Variants in ELAPOR1 observed in about 807,000 individuals in gnomAD.
ELAPOR1 encodes endosome-lysosome associated apoptosis and autophagy regulator 1.
ELAPOR1 carries 77 observed loss-of-function variants against 119.7 expected under a neutral mutation model. The observed-to-expected ratio is 0.64, with a 90% CI of 0.54 to 0.78. ELAPOR1 has a LOEUF of 0.78. Ranked by LOEUF, ELAPOR1 falls within the 30% of genes least tolerant of loss-of-function variation. ELAPOR1 has a pLI of 0.00. For synonymous variants in ELAPOR1, 481 were observed against 487.2 expected (o/e 0.99, Z 0.17); for missense variants, 1,115 against 1,270.4 (o/e 0.88, Z 1.86).
intron 9 of ELAPOR1, among the ~76,000 whole-genome samples, chr1:109,188,633 C>G (rs1016007684): frequency 1.3e-5 from 2 of 152,068 alleles, no homozygotes; most frequent in Non-Finnish European, 2.9e-5. Flanking sequence ...AGCAGGGCTT[C>G]CAGCATATGG....
chr1:109,188,132 C>G (rs539126228), intron 8 of ELAPOR1, 45 bp from the exon 9 acceptor site: 4 of 1,559,096 alleles, frequency 2.6e-6, no homozygotes, highest in Non-Finnish European at 3.5e-6. Context: ...CCAAAGATGT[C>G]CTAAATCTCA....
chr1:109,196,885 G>T (rs570663176), intron 15 of ELAPOR1, among the ~76,000 whole-genome samples: 1 of 152,208 alleles, frequency 6.6e-6, no homozygotes, highest in East Asian at 1.9e-4. Context: ...GTTTCACCAC[G>T]TTGGCCAGGA....
At chr1:109,189,311 A>G (rs544290727) in intron 10 of ELAPOR1, 117 bp downstream of exon 10, 3 of 1,307,690 alleles carry the variant, frequency 2.3e-6, no homozygotes, top group East Asian at 5.0e-5. Flanking sequence ...CATGTCATGC[A>G]TTCCCTTGAA....
At chr1:109,158,742 A>G (rs1358632318) in intron 1 of ELAPOR1, among the ~76,000 whole-genome samples, 1 of 152,128 alleles carries the variant, frequency 6.6e-6, no homozygotes, top group Non-Finnish European at 1.5e-5. Context: ...ACTTTATGCA[A>G]ATTATATACT....
At chr1:109,192,954 T>A in intron 14 of ELAPOR1, 80 bp downstream of exon 14, 1 of 1,497,358 alleles carries the variant, frequency 6.7e-7, no homozygotes, top group South Asian at 1.3e-5. Flanking sequence ...TGGGTAGGGT[T>A]CTTGAGAGGC....
intron 1 of ELAPOR1, among the ~76,000 whole-genome samples, chr1:109,152,810 G>A (rs1650613418): frequency 6.6e-6 from 1 of 151,698 alleles, no homozygotes; most frequent in Admixed American, 6.6e-5. Context: ...GCCAGGCATG[G>A]TGGTGCATGC....
chr1:109,186,832 G>A (rs1352935333), intron 8 of ELAPOR1: 9 of 985,434 alleles, frequency 9.1e-6, no homozygotes, highest in South Asian at 9.4e-5. Flanking sequence ...GGTCAGTACC[G>A]TGCTTGCTGC....
At chr1:109,202,700 C>T (rs1274096673) in intron 21 of ELAPOR1, among the ~76,000 whole-genome samples, 1 of 151,956 alleles carries the variant, frequency 6.6e-6, no homozygotes, top group African/African-American at 2.4e-5. Flanking sequence ...CTTGGCCTCC[C>T]AAGTGCTGGG....
At position 109,184,908 on chromosome 1, in the gene ELAPOR1, T is replaced by C. The variant is rs1486945974; in HGVS notation, c.953-137T>C. On this transcript the variant is annotated intron_variant, in intron 7 of 21. Transcript: ENST00000369939. ...CTATTGAGACAAGGGGAAGGGTGAGTGTGCAGGATTTTCTACTTCCGGCAA... is the reference window on the plus strand; with the variant it reads ...CTATTGAGACAAGGGGAAGGGTGAGCGTGCAGGATTTTCTACTTCCGGCAA... 9.9e-6 allele frequency: 7 copies of C among 704,678 alleles called. 1 individual carries two copies. Among genetic ancestry groups the C allele is most frequent in the Admixed American group, 6.1e-5 (3 of 48,934 alleles). 43.7% of individuals were successfully genotyped at this position (704,678 alleles called of 1,614,324 possible).
rs1652565870 is a variant in ELAPOR1, at chr1:109,179,453, G to A, written c.953-5592G>A. Among the ~76,000 whole-genome samples the A allele has an allele frequency of 2.7e-5, 4 of 149,930 alleles. No individual in the cohort carries two copies. The South Asian group carries it at 6.4e-4, about 24-fold the overall frequency. ...AAGAAGTGTGAGCAAAGGCCAGAAA[G>A]CTCAGGAAACTGCAAATAATTCAGC... On this transcript the variant is annotated intron_variant, in intron 7 of 21. Transcript: ENST00000369939.
chr1:109,173,874 A>G, intron 7 of ELAPOR1, 37 bp downstream of exon 7: 1 of 1,607,828 alleles, frequency 6.2e-7, no homozygotes, highest in East Asian at 2.2e-5. Flanking sequence ...TTGGGGATAG[A>G]GAGTACCACC....
intron 15 of ELAPOR1, among the ~76,000 whole-genome samples, chr1:109,195,551 T>C (rs1195556679): frequency 3.3e-5 from 5 of 151,348 alleles, no homozygotes; most frequent in African/African-American, 1.2e-4. Context: ...ACCCCAGAAA[T>C]ATGCAGAAGG....
intron 1 of ELAPOR1, among the ~76,000 whole-genome samples, chr1:109,136,269 G>C (rs1011615047): frequency 1.3e-5 from 2 of 152,138 alleles, no homozygotes; most frequent in African/African-American, 4.8e-5. Flanking sequence ...GTATGACCAG[G>C]GTCCTTATAA....
chr1:109,123,325 G>A (rs1036514006), intron 1 of ELAPOR1, among the ~76,000 whole-genome samples: 1 of 152,080 alleles, frequency 6.6e-6, no homozygotes, highest in Non-Finnish European at 1.5e-5. Context: ...CTAATTACTA[G>A]GAAAGAAAAG....
chr1:109,148,515 G>A (rs1650328154), intron 1 of ELAPOR1, among the ~76,000 whole-genome samples: 1 of 152,176 alleles, frequency 6.6e-6, no homozygotes, highest in Non-Finnish European at 1.5e-5. Flanking sequence ...GAACTCTCAG[G>A]GTTCTAAGGA....
chr1:109,132,959 G>C lies in ELAPOR1; in HGVS notation c.153+18623G>C, dbSNP rs567009087. 2.0e-5 allele frequency among the ~76,000 whole-genome samples: 3 copies of C among 152,280 alleles called. No individual in the cohort carries two copies. The East Asian group carries it at 5.8e-4, about 29-fold the overall frequency. ...AAAATACAACTTAGGATCAGGTATG[G>C]TGGTTCATGCCTGTAATCCCAGCAT... On this transcript the variant is annotated intron_variant, in intron 1 of 21. Coordinates refer to ENST00000369939, the MANE Select transcript of ELAPOR1 (RefSeq NM_020775.5).
At chr1:109,114,627 C>A (rs587514) in intron 1 of ELAPOR1, among the ~76,000 whole-genome samples, 52,111 of 151,952 alleles carry the variant, frequency 0.34, 11,038 homozygotes, top group African/African-American at 0.6. Context: ...ATGAGGGAGG[C>A]AGACGAGTTA....
intron 1 of ELAPOR1, among the ~76,000 whole-genome samples, chr1:109,144,066 T>A (rs1235870638): frequency 6.0e-5 from 8 of 132,466 alleles, no homozygotes; most frequent in African/African-American, 1.2e-4. Context: ...TATATATTTT[T>A]TTTTTTTTTT....
In ELAPOR1 at chr1:109,173,503, C is replaced by G; in HGVS notation, c.726C>G (p.Leu242=). 2 of 1,614,212 alleles carry G rather than the reference C, an allele frequency of 1.2e-6. No homozygotes were observed. The highest frequency in any genetic ancestry group is 1.7e-6 in the Non-Finnish European group (2 of 1,180,032). ...AGCTAAATCGAGGCAATAATGTCCT[C>G]TATTGGAGAACCACAGCCTTCTCAG... ...SVELNRGNNV[L]YWRTTAFSVW... Residue 242 remains leucine, a synonymous_variant, in exon 6 of 22, where the codon CTC becomes CTG. Coordinates refer to ENST00000369939, the MANE Select transcript of ELAPOR1 (RefSeq NM_020775.5).
Sources: allele counts gnomAD v4.1 joint callset (sites outside exome capture counted in the v4.1 genomes callset), GRCh38; gene constraint gnomAD v4.1.1; transcripts MANE v1.5; gene names NCBI Gene and HGNC (gene_info 2026-07-23, HGNC 2026-07-21).